Variants in ADGRV1 observed in about 807,000 individuals in gnomAD.
ADGRV1 encodes adhesion G protein-coupled receptor V1.
A neutral mutation model predicts 596.2 loss-of-function variants in ADGRV1; 359 were observed. The ratio of observed to expected loss-of-function variants is 0.60; its 90% CI spans 0.55 to 0.66. The LOEUF is 0.66. Ranked by LOEUF, ADGRV1 falls within the 30% of genes least tolerant of loss-of-function variation. ADGRV1 has a pLI of 0.00. For missense variants in ADGRV1, 7,274 were observed against 7,575.6 expected, an observed-to-expected ratio of 0.96 and a Z score of 1.48; for synonymous variants, 2,681 against 2,679.2, an observed-to-expected ratio of 1.00 and a Z score of -0.02.
At chr5:90,579,677 C>T (rs1392579128) in intron 1 of ADGRV1, among the ~76,000 whole-genome samples, 4 of 152,110 alleles carry the variant, frequency 2.6e-5, no homozygotes, top group Non-Finnish European at 4.4e-5. Flanking sequence ...CCTTCTGTCT[C>T]GTTGATCTGT....
At chr5:90,974,240 G>C (rs911731632) in intron 84 of ADGRV1, among the ~76,000 whole-genome samples, 2 of 152,250 alleles carry the variant, frequency 1.3e-5, no homozygotes, top group Non-Finnish European at 2.9e-5. Flanking sequence ...CTCATGGATA[G>C]GAAGAATCAA....
chr5:90,827,553 T>C (rs907122432), intron 76 of ADGRV1, among the ~76,000 whole-genome samples: 27 of 152,198 alleles, frequency 1.8e-4, no homozygotes, highest in African/African-American at 6.0e-4. Flanking sequence ...GAATGTAATA[T>C]ACCGAAATCC....
At chr5:91,109,682 A>G (rs1338932093) in intron 87 of ADGRV1, among the ~76,000 whole-genome samples, 1 of 152,200 alleles carries the variant, frequency 6.6e-6, no homozygotes, top group East Asian at 1.9e-4. Flanking sequence ...CCTATGGAAG[A>G]CCAGATGGTA....
intron 86 of ADGRV1, among the ~76,000 whole-genome samples, chr5:91,096,082 T>TC (rs1384897081): frequency 1.3e-5 from 2 of 152,180 alleles, no homozygotes; most frequent in Non-Finnish European, 2.9e-5. Flanking sequence ...CCACATTTTT[T>TC]CACAGTTGTG....
intron 52 of ADGRV1, among the ~76,000 whole-genome samples, chr5:90,749,320 A>G (rs745307292): frequency 5.3e-5 from 8 of 152,228 alleles, no homozygotes; most frequent in Non-Finnish European, 1.0e-4. Context: ...TTCTGGCTGC[A>G]TGAAGTGCTC....
intron 20 of ADGRV1, chr5:90,655,725 G>T (rs571101038): frequency 2.0e-5 from 3 of 151,980 alleles, no homozygotes; most frequent in African/African-American, 7.2e-5. Flanking sequence ...CTTTTGGTTT[G>T]TAGTGGCATC....
intron 1 of ADGRV1, among the ~76,000 whole-genome samples, chr5:90,581,750 G>A (rs144389486): frequency 9.3e-4 from 141 of 152,296 alleles, no homozygotes; most frequent in Middle Eastern, 3.4e-3. Context: ...CTCAAATGCC[G>A]TGCTGGGTGA....
At chr5:90,853,143 C>A in intron 79 of ADGRV1, 141 bp from the exon 80 acceptor site, 1 of 747,446 alleles carries the variant, frequency 1.3e-6, no homozygotes, top group Non-Finnish European at 2.1e-6. Flanking sequence ...AAGGCACATT[C>A]TATTTACTGC....
chr5:91,070,272 T>TA (rs555409937), intron 85 of ADGRV1, among the ~76,000 whole-genome samples: 32 of 152,164 alleles, frequency 2.1e-4, no homozygotes, highest in Middle Eastern at 6.8e-3. Context: ...TTGAAGTTAT[T>TA]AAAAAAAAGT....
chr5:90,767,731 C>T (rs749957644), intron 59 of ADGRV1, among the ~76,000 whole-genome samples: 7 of 150,940 alleles, frequency 4.6e-5, no homozygotes, highest in Non-Finnish European at 8.8e-5. Flanking sequence ...CATGAGATAG[C>T]ACAGAAACGA....
At chr5:90,723,411 A>G (rs1445317568) in intron 45 of ADGRV1, among the ~76,000 whole-genome samples, 1 of 152,184 alleles carries the variant, frequency 6.6e-6, no homozygotes, top group East Asian at 1.9e-4. Context: ...GGGATCCAAA[A>G]AAGAAAGTCT....
intron 83 of ADGRV1, among the ~76,000 whole-genome samples, chr5:90,945,621 C>T (rs75826051): frequency 0.011 from 1,674 of 152,252 alleles, 35 homozygotes; most frequent in African/African-American, 0.039. Flanking sequence ...ATGCCTTCAT[C>T]CTACAGATAT....
At chr5:90,615,804 C>A (rs966738179) in intron 2 of ADGRV1, among the ~76,000 whole-genome samples, 1 of 151,788 alleles carries the variant, frequency 6.6e-6, no homozygotes, top group Admixed American at 6.6e-5. Context: ...ATGAGATAAT[C>A]TTTTTCATAA....
intron 83 of ADGRV1, among the ~76,000 whole-genome samples, chr5:90,962,027 A>G (rs1042489598): frequency 6.6e-6 from 1 of 152,222 alleles, no homozygotes; most frequent in Non-Finnish European, 1.5e-5. Context: ...AGGCAGTAGC[A>G]TGGTGCTCAA....
chr5:91,126,088 T>C (rs576906002), intron 87 of ADGRV1, among the ~76,000 whole-genome samples: 7 of 152,332 alleles, frequency 4.6e-5, no homozygotes, highest in African/African-American at 1.7e-4. Flanking sequence ...TCATCATACA[T>C]TGCCTGGGGC....
intron 9 of ADGRV1, among the ~76,000 whole-genome samples, chr5:90,633,968 G>A (rs948751136): frequency 1.6e-4 from 24 of 152,126 alleles, no homozygotes; most frequent in African/African-American, 4.6e-4. Flanking sequence ...TCCTGTCCAC[G>A]TGTGGAAAAT....
intron 53 of ADGRV1, among the ~76,000 whole-genome samples, chr5:90,752,286 T>C (rs1755348590): frequency 6.6e-6 from 1 of 152,168 alleles, no homozygotes; most frequent in Admixed American, 6.5e-5. Flanking sequence ...TTAATAAAGC[T>C]CTTGAATTTA....
chr5:90,794,737 C>T (rs959884759), intron 70 of ADGRV1, among the ~76,000 whole-genome samples: 59 of 152,240 alleles, frequency 3.9e-4, no homozygotes, highest in African/African-American at 1.1e-3. Flanking sequence ...CCAGTGAGAT[C>T]GACGCAGAAG....
chr5:90,816,865 TA>T (rs1235759561), intron 75 of ADGRV1, among the ~76,000 whole-genome samples: 2 of 152,088 alleles, frequency 1.3e-5, no homozygotes, highest in African/African-American at 4.8e-5. Flanking sequence ...AGTGCCGCAA[TA>T]AACATACGTG....
Sources: allele counts gnomAD v4.1 joint callset (sites outside exome capture counted in the v4.1 genomes callset), GRCh38; gene constraint gnomAD v4.1.1; transcripts MANE v1.5; gene names NCBI Gene and HGNC (gene_info 2026-07-23, HGNC 2026-07-21).